Variants in TBC1D8B observed in about 807,000 individuals in gnomAD.
The protein encoded by TBC1D8B is RP11-321G1.1.
TBC1D8B carries 75 observed loss-of-function variants against 82.9 expected under a neutral mutation model. The observed-to-expected ratio is 0.90, with a 90% CI of 0.75 to 1.10. The LOEUF (loss-of-function observed/expected upper bound fraction) is 1.10. Among genes scored for constraint, TBC1D8B ranks in the 50% least tolerant of loss-of-function variants. TBC1D8B has a pLI of 0.00. For synonymous variants in TBC1D8B, 276 were observed against 276.8 expected (o/e 1.00, Z 0.03); for missense variants, 794 against 796.9 (o/e 1.00, Z 0.04).
chrX:106,817,480 G>A (rs1301060016), intron 1 of TBC1D8B, among the ~76,000 whole-genome samples: 1 of 111,411 alleles, frequency 9.0e-6, no homozygotes, highest in Non-Finnish European at 1.9e-5. Context: ...CATGTGACAG[G>A]TTGCAGTCAA....
rs201959751 is a variant in TBC1D8B, at chrX:106,840,775, G to A, written c.1610G>A (p.Arg537His). The A allele has an allele frequency of 3.4e-5, 41 of 1,209,173 alleles. No individual in the cohort carries two copies. Among genetic ancestry groups the A allele is most frequent in the East Asian group, 8.9e-5 (3 of 33,738 alleles). Residue 537 changes from arginine (R) to histidine (H), a missense_variant, in exon 10 of 21, where the codon CGT becomes CAT. Physicochemically the swap from Arg to His is conservative, Grantham distance 29. Coordinates refer to ENST00000357242, the MANE Select transcript of TBC1D8B (RefSeq NM_017752.3). ...ACTGAAGAAATTGAACGTGATTTAC[G>A]TCGCTCTCTGCCTGAGCACCCAGCC... ...LATEEIERDL[R>H]RSLPEHPAFQ...
intron 14 of TBC1D8B, among the ~76,000 whole-genome samples, chrX:106,854,805 C>T (rs1486114899): frequency 9.0e-6 from 1 of 111,517 alleles, no homozygotes; most frequent in Non-Finnish European, 1.9e-5. Context: ...CGTGAGCTAC[C>T]ACACCTAGCC....
intron 5 of TBC1D8B, 96 bp from the exon 6 acceptor site, chrX:106,825,934 C>T: frequency 1.5e-6 from 1 of 680,285 alleles, no homozygotes; most frequent in East Asian, 3.3e-5. Flanking sequence ...TCTGTGTGCA[C>T]AGTGTATGTA....
chrX:106,822,242 T>C, intron 4 of TBC1D8B, 40 bp downstream of exon 4: 2 of 1,034,025 alleles, frequency 1.9e-6, no homozygotes, highest in Admixed American at 2.7e-5. Context: ...TTGAATTTGC[T>C]GTCTGACCTA....
intron 1 of TBC1D8B, among the ~76,000 whole-genome samples, chrX:106,805,068 T>G (rs1340495380): frequency 1.7e-5 from 1 of 57,987 alleles, no homozygotes; most frequent in Non-Finnish European, 3.1e-5. Flanking sequence ...TTGTTGCAAG[T>G]TTCCTTTTTT....
chrX:106,826,233 G>A lies in TBC1D8B; in HGVS notation c.1031G>A (p.Arg344Gln), dbSNP rs200543143. 1.3e-5 allele frequency: 15 copies of A among 1,199,023 alleles called. No individual in the cohort carries two copies. The highest frequency in any genetic ancestry group is 4.5e-5 in the Admixed American group (2 of 44,939). The stretch of plus-strand genomic sequence containing the variant: ...CAGTGTAGTGTAATCATTCCACTAC[G>A]AGAGGTAATGTAAATTTGGTTACAT... ...GNQCSVIIPLREVLAIDKTND... is the reference protein window; with the variant it reads ...GNQCSVIIPLQEVLAIDKTND... Residue 344 changes from arginine to glutamine, a missense_variant, in exon 6 of 21, where the codon CGA becomes CAA. By Grantham distance (43) the Arg-to-Gln change is conservative. Coordinates refer to ENST00000357242, the MANE Select transcript of TBC1D8B (RefSeq NM_017752.3).
rs779046281 is a variant in TBC1D8B at position 106,840,203 on chromosome X, T to A, written c.1504+5T>A. 7 of 1,199,561 alleles carry A rather than the reference T, an allele frequency of 5.8e-6. No homozygotes were observed. The African/African-American group carries it at 1.2e-4, about 21-fold the overall frequency. ...AACTCTGGATGCTTTTTTCAGGTATTACGTTTATTCATTGTATTTATTTAA... is the reference window on the plus strand; with the variant it reads ...AACTCTGGATGCTTTTTTCAGGTATAACGTTTATTCATTGTATTTATTTAA... On this transcript the variant is annotated splice_donor_5th_base_variant and intron_variant, in intron 9 of 20. Transcript: ENST00000357242.
At chrX:106,838,753 T>C (rs758321035) in intron 7 of TBC1D8B, among the ~76,000 whole-genome samples, 125 of 112,023 alleles carry the variant, frequency 1.1e-3, no homozygotes, top group African/African-American at 4.0e-3. Flanking sequence ...GAACAGAGTT[T>C]TTTCACCAAG....
intron 1 of TBC1D8B, among the ~76,000 whole-genome samples, chrX:106,811,300 G>T (rs1008431390): frequency 4.5e-5 from 5 of 111,930 alleles, no homozygotes; most frequent in Admixed American, 3.8e-4. Flanking sequence ...CAAGGCAGGA[G>T]AATTGCTTGA....
intron 12 of TBC1D8B, 130 bp from the exon 13 acceptor site, chrX:106,853,391 T>C (rs1028797592): frequency 1.0e-5 from 6 of 587,439 alleles, no homozygotes; most frequent in Non-Finnish European, 1.6e-5. Flanking sequence ...GTTCCACTTC[T>C]TCATAAGACC....
chrX:106,875,036 T>C lies in TBC1D8B; in HGVS notation c.*1071T>C, dbSNP rs1257240830. On this transcript the variant is annotated 3_prime_UTR_variant, in exon 21 of 21. Transcript: ENST00000357242. ...CCAATTTAGATGTGTAATTTCTATA[T>C]ACTTTATGCTGTTTATATTTCAGTC... The C allele has an allele frequency of 4.5e-5, 5 of 111,459 alleles. No individual in the cohort carries two copies. The East Asian group carries it at 1.4e-3, about 31-fold the overall frequency. The allele number at this position is 111,459 out of a possible 1,213,427, so 9.2% of individuals were successfully genotyped here.
chrX:106,832,175 A>G (rs754436747), intron 7 of TBC1D8B, among the ~76,000 whole-genome samples: 49 of 111,392 alleles, frequency 4.4e-4, no homozygotes, highest in Non-Finnish European at 8.1e-4. Context: ...CTAAATATGA[A>G]TACAGGAAGT....
At chrX:106,861,302 G>A (rs143159421) in intron 14 of TBC1D8B, among the ~76,000 whole-genome samples, 118 of 111,401 alleles carry the variant, frequency 1.1e-3, no homozygotes, top group Admixed American at 2.2e-3. Context: ...TTGATGATAT[G>A]ACTAATACTG....
intron 20 of TBC1D8B, among the ~76,000 whole-genome samples, chrX:106,871,538 G>T (rs760787560): frequency 3.6e-5 from 4 of 111,843 alleles, no homozygotes; most frequent in Admixed American, 1.9e-4. Flanking sequence ...AGAAGAAAAT[G>T]TCTGTGGCCA....
At chrX:106,862,776 GTTT>G (rs1181091591) in intron 14 of TBC1D8B, among the ~76,000 whole-genome samples, 2 of 37,298 alleles carry the variant, frequency 5.4e-5, no homozygotes, top group African/African-American at 2.4e-4. Context: ...GTTTTTTTTT[GTTT>G]TTTTTTTTTT....
intron 2 of TBC1D8B, among the ~76,000 whole-genome samples, chrX:106,820,108 CA>C: frequency 9.0e-6 from 1 of 110,885 alleles, no homozygotes; most frequent in Middle Eastern, 4.6e-3. Context: ...ACTAAAAAGT[CA>C]GCATATTTCT....
chrX:106,850,090 C>A lies in TBC1D8B; in HGVS notation c.1903C>A (p.His635Asn). The change falls in exon 12 of 21, where the codon CAC (histidine) becomes AAC (asparagine). Residue 635 changes from histidine (H) to asparagine (N), a missense_variant. His to Asn is a moderately conservative substitution (Grantham distance 68, BLOSUM62 1). Transcript: ENST00000357242. Reference sequence around the variant, plus strand: ...GGATCACCTTCCTCAGCTGACAGAACACATGACTGATATGACATTCTTTTC... The same window carrying A: ...GGATCACCTTCCTCAGCTGACAGAAAACATGACTGATATGACATTCTTTTC... ...IRDHLPQLTE[H>N]MTDMTFFSSV... The A allele has an allele frequency of 8.3e-7, 1 of 1,211,149 alleles. No homozygotes were observed. The highest frequency in any genetic ancestry group is 1.1e-6 in the Non-Finnish European group (1 of 895,126).
Position 106,816,855 on chromosome X carries a change from A to G in TBC1D8B, c.131-1808A>G, listed in dbSNP as rs1401479782. Among the ~76,000 whole-genome samples the G allele has an allele frequency of 2.7e-5, 3 of 110,661 alleles. No homozygotes were observed. The East Asian group carries it at 8.5e-4, about 31-fold the overall frequency. ...AAATTTCTCTTTATGTCTTTGTCTTATCTCCTACTCTTCTAGTTTACCTCC... is the reference window on the plus strand; with the variant it reads ...AAATTTCTCTTTATGTCTTTGTCTTGTCTCCTACTCTTCTAGTTTACCTCC... On this transcript the variant is annotated intron_variant, in intron 1 of 20. Transcript: ENST00000357242.
intron 1 of TBC1D8B, among the ~76,000 whole-genome samples, chrX:106,816,715 C>T (rs929745825): frequency 9.0e-6 from 1 of 111,033 alleles, no homozygotes; most frequent in African/African-American, 3.3e-5. Context: ...TGAACTTTGC[C>T]CTATCAAAAT....
Sources: gnomAD v4.1 joint callset for allele counts (sites outside exome capture counted in the v4.1 genomes callset) on GRCh38, gnomAD v4.1.1 for gene constraint, MANE v1.5 for transcripts, NCBI Gene and HGNC (gene_info 2026-07-23, HGNC 2026-07-21) for gene names.